The following PRDM5 variants were observed in gnomAD, a reference collection of about 807,000 sequenced individuals.
PRDM5 encodes PR/SET domain 5, also known as PR domain zinc finger protein 5.
PRDM5 carries 56 observed loss-of-function variants against 81.2 expected under a neutral mutation model. That is an observed-to-expected ratio of 0.69 (90% CI 0.56 to 0.86). The LOEUF (loss-of-function observed/expected upper bound fraction) is 0.86, where lower values mean the gene tolerates loss of function less well. PRDM5 is among the 40% of genes least tolerant of loss of function. The pLI, the probability that PRDM5 is intolerant of heterozygous loss-of-function variation, is 0.00. For missense variants in PRDM5, 697 were observed against 770.1 expected (o/e 0.91, Z 1.12); for synonymous variants, 267 against 256.4 (o/e 1.04, Z -0.39).
At chr4:120,862,200 T>C (rs1235280558) in intron 2 of PRDM5, among the ~76,000 whole-genome samples, 1 of 152,232 alleles carries the variant, frequency 6.6e-6, no homozygotes, top group Non-Finnish European at 1.5e-5. Context: ...ACATCCTTTG[T>C]CAGTAAACAT....
chr4:120,875,357 G>A (rs1344898730), intron 2 of PRDM5, among the ~76,000 whole-genome samples: 1 of 152,222 alleles, frequency 6.6e-6, no homozygotes, highest in East Asian at 1.9e-4. Flanking sequence ...CTCTGAGACT[G>A]CCAAGGAGCC....
intron 2 of PRDM5, 78 bp from the exon 3 acceptor site, chr4:120,853,618 C>T (rs761352835): frequency 4.5e-5 from 71 of 1,580,802 alleles, no homozygotes; most frequent in East Asian, 2.0e-4. Flanking sequence ...TAGGACATGA[C>T]GTTTTTTCAT....
downstream of PRDM5, among the ~76,000 whole-genome samples, chr4:120,690,840 G>C (rs1387296740): frequency 6.6e-6 from 1 of 152,062 alleles, no homozygotes; most frequent in African/African-American, 2.4e-5. Flanking sequence ...AGATGATCAA[G>C]CTTCAGTGGT....
At position 120,722,008 on chromosome 4, in the gene PRDM5, G is replaced by A. The variant is rs1217787433; in HGVS notation, c.1624-11595C>T. On this transcript the variant is annotated intron_variant, in intron 14 of 15. Coordinates refer to ENST00000264808, the MANE Select transcript of PRDM5 (RefSeq NM_018699.4). ...GAGGGACAGAGGGGAGCCAGGACAC[G>A]TTCGGCTTGCTTGTGGCCAAAGAGA... Among the ~76,000 whole-genome samples, 10 of 152,308 alleles carry A rather than the reference G, an allele frequency of 6.6e-5. No homozygotes were observed. The East Asian group carries it at 9.7e-4, about 15-fold the overall frequency.
chr4:120,898,855 C>G (rs575640312), intron 2 of PRDM5, among the ~76,000 whole-genome samples: 154 of 152,222 alleles, frequency 1.0e-3, no homozygotes, highest in African/African-American at 3.4e-3. Flanking sequence ...TCTACTGCAT[C>G]CTAGGGGCAG....
chr4:120,819,906 T>A (rs570068051), intron 4 of PRDM5, among the ~76,000 whole-genome samples: 1 of 152,206 alleles, frequency 6.6e-6, no homozygotes. Context: ...AAGCTGGCAA[T>A]GGTGACAGAA....
chr4:120,854,772 G>C (rs1178127070), intron 2 of PRDM5, among the ~76,000 whole-genome samples: 1 of 152,056 alleles, frequency 6.6e-6, no homozygotes, highest in Non-Finnish European at 1.5e-5. Context: ...TATTCCATGA[G>C]GCCATCAGGA....
chr4:120,825,937 CTG>C (rs1755919345), intron 3 of PRDM5, among the ~76,000 whole-genome samples: 1 of 152,100 alleles, frequency 6.6e-6, no homozygotes, highest in Non-Finnish European at 1.5e-5. Flanking sequence ...AGTGCTAAAA[CTG>C]AGAGAGTCCT....
At chr4:120,856,174 A>G (rs950643139) in intron 2 of PRDM5, among the ~76,000 whole-genome samples, 5 of 152,278 alleles carry the variant, frequency 3.3e-5, no homozygotes, top group Non-Finnish European at 5.9e-5. Flanking sequence ...CTTCCTGTCT[A>G]TCACTTTCTC....
intron 3 of PRDM5, among the ~76,000 whole-genome samples, chr4:120,839,774 G>A (rs1291135897): frequency 1.3e-5 from 2 of 152,148 alleles, no homozygotes; most frequent in African/African-American, 4.8e-5. Context: ...CCAGGTGCTT[G>A]TGCCAAGGGG....
At chr4:120,807,996 C>T (rs12644850) in intron 8 of PRDM5, among the ~76,000 whole-genome samples, 8,100 of 152,060 alleles carry the variant, frequency 0.053, 349 homozygotes, top group Middle Eastern at 0.15. Context: ...GGTGGGTTCA[C>T]GGTCTCACTG....
At chr4:120,906,943 G>A (rs1216327363) in intron 2 of PRDM5, among the ~76,000 whole-genome samples, 14 of 146,256 alleles carry the variant, frequency 9.6e-5, no homozygotes, top group Non-Finnish European at 1.9e-4. Context: ...ATTTTTCAAC[G>A]AAGAACTTCA....
At chr4:120,851,573 C>T (rs1759281481) in intron 3 of PRDM5, among the ~76,000 whole-genome samples, 1 of 151,770 alleles carries the variant, frequency 6.6e-6, no homozygotes, top group Non-Finnish European at 1.5e-5. Context: ...ATCCTATTTT[C>T]CATGTCACCT....
intron 2 of PRDM5, among the ~76,000 whole-genome samples, chr4:120,868,757 C>A (rs756989406): frequency 6.6e-6 from 1 of 152,094 alleles, no homozygotes; most frequent in Non-Finnish European, 1.5e-5. Flanking sequence ...AATGTCCTGA[C>A]ACTACTGTTC....
At chr4:120,728,458 TA>T (rs1407994971) in intron 14 of PRDM5, among the ~76,000 whole-genome samples, 4 of 152,144 alleles carry the variant, frequency 2.6e-5, no homozygotes, top group African/African-American at 7.2e-5. Flanking sequence ...TACATATATA[TA>T]TTTTTTTCTG....
At position 120,826,076 on chromosome 4, in the gene PRDM5, C is replaced by T. The variant is rs574303775; in HGVS notation, c.301-4731G>A. On this transcript the variant is annotated intron_variant, in intron 3 of 15. Transcript: ENST00000264808. ...TCTACCTCCTTCACCATCTCCAGGT[C>T]CACATCAGGATTCTCAACATTTAGG... is the stretch of plus-strand genomic sequence containing the variant. Among the ~76,000 whole-genome samples, 4 of 152,256 alleles carry T rather than the reference C, an allele frequency of 2.6e-5. No homozygotes were observed. The South Asian group carries it at 8.3e-4, about 32-fold the overall frequency.
chr4:120,866,920 A>G (rs971864835), intron 2 of PRDM5, among the ~76,000 whole-genome samples: 14 of 152,154 alleles, frequency 9.2e-5, no homozygotes, highest in African/African-American at 3.1e-4. Context: ...AAAAGCAGAG[A>G]ATTTTCTCTG....
chr4:120,810,308 G>C (rs1446384721), intron 8 of PRDM5, among the ~76,000 whole-genome samples: 1 of 152,076 alleles, frequency 6.6e-6, no homozygotes, highest in East Asian at 1.9e-4. Context: ...ATCTATTCCA[G>C]TAGACTTAAT....
At chr4:120,789,333 C>A (rs1037550375) in intron 10 of PRDM5, among the ~76,000 whole-genome samples, 2 of 152,128 alleles carry the variant, frequency 1.3e-5, no homozygotes, top group Non-Finnish European at 2.9e-5. Context: ...TTTCTAGCCA[C>A]ACAGATCAAA....
Sources: allele counts gnomAD v4.1 joint callset (sites outside exome capture counted in the v4.1 genomes callset), GRCh38; gene constraint gnomAD v4.1.1; transcripts MANE v1.5; gene names NCBI Gene and HGNC (gene_info 2026-07-23, HGNC 2026-07-21).